Variants in MOV10 observed in about 807,000 individuals in gnomAD.
MOV10 encodes Mov10 RNA helicase, also known as RNA helicase MOV-10.
MOV10 carries 39 observed loss-of-function variants against 108.4 expected under a neutral mutation model. The observed-to-expected ratio is 0.36, with a 90% CI of 0.28 to 0.47. The LOEUF is 0.47. MOV10 is among the 20% of genes least tolerant of loss of function. The pLI is 1.00. For missense variants in MOV10, 952 were observed against 1,297.6 expected, an observed-to-expected ratio of 0.73 and a Z score of 4.09; for synonymous variants, 490 against 523.1, an observed-to-expected ratio of 0.94 and a Z score of 0.86.
intron 2 of MOV10, among the ~76,000 whole-genome samples, chr1:112,684,557 C>T (rs372235981): frequency 6.6e-6 from 1 of 152,148 alleles, no homozygotes. Flanking sequence ...CGTGAGCCAC[C>T]GTGCCCGGAC....
chr1:112,683,683 T>C (rs1672842596), intron 2 of MOV10, among the ~76,000 whole-genome samples: 1 of 152,194 alleles, frequency 6.6e-6, no homozygotes, highest in African/African-American at 2.4e-5. Context: ...GTGAGCCTTT[T>C]AAATGTTAGC....
In MOV10 at chr1:112,698,332, G is replaced by A; in HGVS notation, c.2362G>A (p.Glu788Lys). ...CGGCGTAATGGGCAAAGATGAGCGT[G>A]AAGGCAACAGCCCATCCTTCTTCAA... ...FHGVMGKDEREGNSPSFFNPE... is the reference protein window; with the variant it reads ...FHGVMGKDERKGNSPSFFNPE... Residue 788 changes from glutamate to lysine, a missense_variant, in exon 16 of 21, where the codon GAA becomes AAA. Around this residue, in one of 5 missense-constraint regions of MOV10, gnomAD observed 453 missense variants for 611.5 expected, o/e 0.74. Coordinates refer to ENST00000369645, the MANE Select transcript of MOV10 (RefSeq NM_001321324.2). 1 of 1,614,212 alleles carries A rather than the reference G, an allele frequency of 6.2e-7. No homozygotes were observed. The highest frequency in any genetic ancestry group is 1.1e-5 in the South Asian group (1 of 91,090).
chr1:112,674,724 G>T lies in MOV10; in HGVS notation c.-71G>T. The T allele has an allele frequency of 3.7e-6, 2 of 534,976 alleles. No homozygotes were observed. The highest frequency in any genetic ancestry group is 5.1e-5 in the South Asian group (2 of 39,516). The allele number at this position is 534,976 out of a possible 1,614,324, so 33.1% of individuals were successfully genotyped here. A position where few individuals can be genotyped will look rare whatever the true frequency, so the allele number is the denominator to read the frequency against. ...ATAGGACGAAGAAACCGAAGGGAAA[G>T]CTCAGGTAAGAAAAGAACGGAGGAG... On this transcript the variant is annotated 5_prime_UTR_variant, in exon 1 of 21. Transcript: ENST00000369645.
rs1672155907 is a variant in MOV10, at chr1:112,675,750, A to G, written c.137+701A>G. ...TCCTGCTACCACCCAAGTGAAAATC[A>G]AAGAGTCTTCTGTCACACCACAGAA... On this transcript the variant is annotated intron_variant, in intron 2 of 20. Transcript: ENST00000369645. The surrounding 1 kb of genome is among the most constrained non-coding windows in gnomAD (Gnocchi z 4.7). Among the ~76,000 whole-genome samples, 1 of 152,186 alleles carries G rather than the reference A, an allele frequency of 6.6e-6. No homozygotes were observed. The highest frequency in any genetic ancestry group is 6.5e-5 in the Admixed American group (1 of 15,288).
chr1:112,689,047 G>C lies in MOV10; in HGVS notation c.250G>C (p.Asp84His). Residue 84 changes from aspartate to histidine, a missense_variant, in exon 3 of 21, where the codon GAC becomes CAC. Coordinates refer to ENST00000369645, the MANE Select transcript of MOV10 (RefSeq NM_001321324.2). ...VRFFRLDRWA[D>H]VRFPEKRRMK... ...GTTCTTCAGACTCGACCGCTGGGCC[G>C]ACGTGCGGTTCCCAGAAAAGAGGAG... The C allele has an allele frequency of 1.9e-6, 3 of 1,612,634 alleles. No homozygotes were observed. Among genetic ancestry groups the C allele is most frequent in the Non-Finnish European group, 2.5e-6 (3 of 1,180,036 alleles).
chr1:112,700,655 G>A lies in MOV10; in HGVS notation c.*148G>A, dbSNP rs950234678. On this transcript the variant is annotated 3_prime_UTR_variant, in exon 21 of 21. Transcript: ENST00000369645. The stretch of plus-strand genomic sequence containing the variant: ...AAGCCATTCCACCCCCTCCCCTGCT[G>A]GGGAGAATGACACATCAAGCTGCTA... 5 of 1,537,716 alleles carry A rather than the reference G, an allele frequency of 3.3e-6. No individual in the cohort carries two copies. In the African/African-American group the frequency reaches 5.5e-5, roughly 17 times the overall value.
intron 5 of MOV10, among the ~76,000 whole-genome samples, chr1:112,690,751 G>A (rs1673508361): frequency 6.6e-6 from 1 of 151,990 alleles, no homozygotes; most frequent in Non-Finnish European, 1.5e-5. Flanking sequence ...AATTTTTTTA[G>A]TATATTCACA....
chr1:112,695,277 A>G lies in MOV10; in HGVS notation c.1621-139A>G, dbSNP rs1036755257. ...GTTAGGGTAAATGTGGCTGTGGAGC[A>G]CTGTTGTACGGGTAGGGCACTGCAT... On this transcript the variant is annotated intron_variant, in intron 10 of 20. Transcript: ENST00000369645. 3.4e-5 allele frequency: 27 copies of G among 804,872 alleles called. No individual in the cohort carries two copies. The African/African-American group carries it at 4.7e-4, about 14-fold the overall frequency. The allele number at this position is 804,872 out of a possible 1,614,324, so 49.9% of individuals were successfully genotyped here. A position where few individuals can be genotyped will look rare whatever the true frequency, so the allele number is the denominator to read the frequency against.
chr1:112,698,668 C>T (rs1281842509), intron 16 of MOV10, 47 bp from the exon 17 acceptor site: 1 of 1,582,724 alleles, frequency 6.3e-7, no homozygotes, highest in Non-Finnish European at 8.7e-7. Context: ...CTCCCTCTTG[C>T]ATTAGGTTAA....
intron 2 of MOV10, among the ~76,000 whole-genome samples, chr1:112,682,423 A>G (rs1003388107): frequency 3.3e-5 from 5 of 152,098 alleles, no homozygotes; most frequent in Admixed American, 2.6e-4. Context: ...GGGTCTGTCT[A>G]TATTGTGCAG....
chr1:112,694,294 G>C lies in MOV10; in HGVS notation c.1295+122G>C. On this transcript the variant is annotated intron_variant, in intron 8 of 20. Coordinates refer to ENST00000369645, the MANE Select transcript of MOV10 (RefSeq NM_001321324.2). This position sits in a 1 kb window ranked among gnomAD's most constrained non-coding sequence, Gnocchi z 4.1. ...GGGCAGAGCAGGAGACTTTTCCTCA[G>C]GGGTACCCTGAGATGCTACGGCAGC... is the stretch of plus-strand genomic sequence containing the variant. 2.8e-6 allele frequency: 4 copies of C among 1,442,298 alleles called. No homozygotes were observed. The highest frequency in any genetic ancestry group is 3.8e-6 in the Non-Finnish European group (4 of 1,042,054). 89.3% of individuals were successfully genotyped at this position (1,442,298 alleles called of 1,614,324 possible).
intron 2 of MOV10, among the ~76,000 whole-genome samples, chr1:112,686,706 C>T (rs1673106369): frequency 6.6e-6 from 1 of 152,194 alleles, no homozygotes. Context: ...TCCAACCCCT[C>T]CTCCTCTTGT....
rs528699312 is a variant in MOV10 at position 112,684,534 on chromosome 1, C to T, written c.138-4401C>T. ...CCGCCCGCCTCAGCCTCCCAAAGTGCTGGGATTACAGGCGTGAGCCACCGT... is the reference window on the plus strand; with the variant it reads ...CCGCCCGCCTCAGCCTCCCAAAGTGTTGGGATTACAGGCGTGAGCCACCGT... On this transcript the variant is annotated intron_variant, in intron 2 of 20. Transcript: ENST00000369645. Among the ~76,000 whole-genome samples the T allele has an allele frequency of 1.6e-3, 248 of 152,254 alleles. 1 individual carries two copies. The highest frequency in any genetic ancestry group is 2.2e-3 in the Non-Finnish European group (148 of 68,010).
intron 5 of MOV10, 32 bp downstream of exon 5, chr1:112,690,130 G>A: frequency 3.7e-6 from 6 of 1,605,556 alleles, no homozygotes; most frequent in South Asian, 1.1e-5. Flanking sequence ...GCCCTGGCTG[G>A]GCTCGTATCT....
intron 2 of MOV10, among the ~76,000 whole-genome samples, chr1:112,686,260 C>T (rs1431637489): frequency 6.6e-6 from 1 of 152,186 alleles, no homozygotes; most frequent in East Asian, 1.9e-4. Context: ...CTGCAAGGAT[C>T]AAGATACCTG....
intron 2 of MOV10, among the ~76,000 whole-genome samples, chr1:112,686,591 G>A (rs1228475551): frequency 6.6e-6 from 1 of 152,164 alleles, no homozygotes; most frequent in Non-Finnish European, 1.5e-5. Context: ...CTGTAACCTT[G>A]ACTTTGGCCT....
intron 17 of MOV10, 184 bp from the exon 18 acceptor site, chr1:112,699,501 G>A: frequency 1.4e-6 from 2 of 1,438,946 alleles, no homozygotes; most frequent in Non-Finnish European, 1.8e-6. Flanking sequence ...CAACCTTCAT[G>A]TTTCAGCTTC....
rs1447958067 is a variant in MOV10, at chr1:112,695,529, C to G, written c.1734C>G (p.Leu578=). 1 of 1,614,194 alleles carries G rather than the reference C, an allele frequency of 6.2e-7. No homozygotes were observed. The highest frequency in any genetic ancestry group is 1.7e-5 in the Admixed American group (1 of 60,024). ...RVHLPSSIYR[L]LAPSRDIRMV... Reference sequence around the variant, plus strand: ...ACCTTCCTAGCTCCATCTACCGCCTCCTGGCCCCCAGCAGGGACATCCGCA... The same window carrying G: ...ACCTTCCTAGCTCCATCTACCGCCTGCTGGCCCCCAGCAGGGACATCCGCA... The change falls in exon 11 of 21, where the codon CTC becomes CTG. Residue 578 remains leucine (L), a synonymous_variant. Transcript: ENST00000369645.
chr1:112,698,692 A>G (rs766309748), intron 16 of MOV10, 23 bp from the exon 17 acceptor site: 2 of 1,610,452 alleles, frequency 1.2e-6, no homozygotes, highest in Non-Finnish European at 1.7e-6. Context: ...CACGAGAGAA[A>G]GGCACCTGTC....
Sources: gnomAD v4.1 joint callset for allele counts (sites outside exome capture counted in the v4.1 genomes callset) on GRCh38, gnomAD v4.1.1 for gene constraint, gnomAD v4.1.1 regional missense constraint, Gnocchi (gnomAD v3.1) non-coding constraint, MANE v1.5 for transcripts, NCBI Gene and HGNC (gene_info 2026-07-23, HGNC 2026-07-21) for gene names.